PDE10A: variants seen among roughly 807,000 people sequenced by gnomAD.
PDE10A encodes cAMP and cAMP-inhibited cGMP 3',5'-cyclic phosphodiesterase 10A.
In PDE10A, 39 loss-of-function variants were observed where a neutral mutation model predicts 97.7. The observed-to-expected ratio is 0.40, with a 90% CI of 0.31 to 0.52. The LOEUF is 0.52. PDE10A is among the 20% of genes least tolerant of loss of function. The pLI, the probability that PDE10A is intolerant of heterozygous loss-of-function variation, is 0.56. For missense variants in PDE10A, 731 were observed against 1,047.8 expected (o/e 0.70, Z 4.17); for synonymous variants, 371 against 376.8 (o/e 0.98, Z 0.18).
Position 165,334,277 on chromosome 6 carries a change from C to T in PDE10A, c.3066-1150G>A, listed in dbSNP as rs1781506065. 2.0e-5 allele frequency among the ~76,000 whole-genome samples: 3 copies of T among 152,326 alleles called. No homozygotes were observed. The South Asian group carries it at 6.2e-4, about 32-fold the overall frequency. On this transcript the variant is annotated intron_variant, in intron 21 of 21. Coordinates refer to ENST00000539869, the MANE Select transcript of PDE10A (RefSeq NM_001385079.1). Reference sequence around the variant, plus strand: ...CCACAAGGAAGGCACCTCCATAGCGCCCTACAGCGCCGGGCACGCGCCTCC... The same window carrying T: ...CCACAAGGAAGGCACCTCCATAGCGTCCTACAGCGCCGGGCACGCGCCTCC...
rs117510109 is a variant in PDE10A, at chr6:165,623,004, G to A, written c.865+38943C>T. On this transcript the variant is annotated intron_variant, in intron 1 of 21. Coordinates refer to ENST00000539869, the MANE Select transcript of PDE10A (RefSeq NM_001385079.1). ...TCTTGCAGGTGACGCACCTGCTCCC[G>A]CTTCACCTTCTGCCATGAGTGTAAA... 5.9e-5 allele frequency among the ~76,000 whole-genome samples: 9 copies of A among 152,194 alleles called. No homozygotes were observed. In the East Asian group the frequency reaches 9.7e-4, roughly 16 times the overall value.
At chr6:165,722,791 C>A (rs139675132) in intron 1 of PDE10A, among the ~76,000 whole-genome samples, 1 of 151,926 alleles carries the variant, frequency 6.6e-6, no homozygotes, top group Non-Finnish European at 1.5e-5. Context: ...GCGAAAACAT[C>A]GGAGTGAACA....
intron 1 of PDE10A, among the ~76,000 whole-genome samples, chr6:165,943,168 GAAAGAAAA>G (rs1783593755): frequency 1.2e-4 from 9 of 78,212 alleles, no homozygotes; most frequent in African/African-American, 4.0e-4. Context: ...AGAGAAGAAA[GAAAGAAAA>G]AAGAAAGAAA....
At chr6:165,520,771 A>G (rs1782082314) in intron 2 of PDE10A, among the ~76,000 whole-genome samples, 1 of 152,142 alleles carries the variant, frequency 6.6e-6, no homozygotes, top group African/African-American at 2.4e-5. Flanking sequence ...ACAAGATTGG[A>G]ATATGACACA....
intron 13 of PDE10A, among the ~76,000 whole-genome samples, chr6:165,399,977 C>T (rs1786513995): frequency 6.6e-6 from 1 of 152,112 alleles, no homozygotes; most frequent in Admixed American, 6.5e-5. Context: ...GTAGTGGCAT[C>T]AAGGGGCACA....
At chr6:165,945,341 G>A (rs1029887892) in intron 1 of PDE10A, among the ~76,000 whole-genome samples, 4 of 152,208 alleles carry the variant, frequency 2.6e-5, no homozygotes, top group African/African-American at 9.6e-5. Context: ...ACACAGCTAA[G>A]CTACTCTTGA....
rs1489404149 is a variant in PDE10A at position 165,924,007 on chromosome 6, C to G, written c.-615+63522G>C. ...ACCAGCCTGGGCAACATAGCAAGAC[C>G]TCACCTCTACAACAACAATAACAAT... On this transcript the variant is annotated intron_variant, in intron 1 of 19. Coordinates refer to the PDE10A transcript ENST00000366882. 2.6e-5 allele frequency among the ~76,000 whole-genome samples: 4 copies of G among 152,168 alleles called. No individual in the cohort carries two copies. The East Asian group carries it at 7.7e-4, about 29-fold the overall frequency.
At chr6:165,928,935 C>A (rs9459535) in intron 1 of PDE10A, among the ~76,000 whole-genome samples, 39,586 of 152,052 alleles carry the variant, frequency 0.26, 5,388 homozygotes, top group Non-Finnish European at 0.29. Flanking sequence ...GGATGAGAGA[C>A]GAAGAACTAA....
chr6:165,941,161 G>T (rs1318736593), intron 1 of PDE10A, among the ~76,000 whole-genome samples: 2 of 152,004 alleles, frequency 1.3e-5, no homozygotes, highest in Non-Finnish European at 2.9e-5. Flanking sequence ...GAATAAATGG[G>T]GTATAGTAAC....
chr6:165,494,463 G>T lies in PDE10A; in HGVS notation c.995-12120C>A, dbSNP rs545393829. Among the ~76,000 whole-genome samples the T allele has an allele frequency of 6.2e-3, 915 of 146,536 alleles. 6 individuals are homozygous for T. The highest frequency in any genetic ancestry group is 8.6e-3 in the Non-Finnish European group (575 of 66,568). On this transcript the variant is annotated intron_variant, in intron 2 of 21. Transcript: ENST00000539869. The stretch of plus-strand genomic sequence containing the variant: ...AGTGGATAAAGAAAATGTGGGGGGG[G>T]GTGTGTGTGTGTGTAATACACACAA...
chr6:165,894,645 C>T (rs769412127), intron 1 of PDE10A: 15 of 418,496 alleles, frequency 3.6e-5, no homozygotes, highest in Admixed American at 1.3e-4. Context: ...GTCTTCCCAC[C>T]GAGCATGGGG....
chr6:165,939,463 G>GACTTTTAAATTTTATT (rs1439007394), intron 1 of PDE10A: 1 of 151,982 alleles, frequency 6.6e-6, no homozygotes, highest in Admixed American at 6.6e-5. Context: ...AAATTTTTTG[G>GACTTTTAAATTTTATT]ACTTTTAAAT....
At chr6:165,978,654 A>T (rs568198037) in intron 1 of PDE10A, among the ~76,000 whole-genome samples, 27 of 152,306 alleles carry the variant, frequency 1.8e-4, no homozygotes, top group African/African-American at 6.5e-4. Flanking sequence ...GTTTTTTTAG[A>T]TTAAAAAAAT....
chr6:165,986,780 G>T lies in PDE10A; in HGVS notation c.-615+749C>A, dbSNP rs866385566. ...TTATGGTTGGGCTTGGCTTGGCTTG[G>T]GGGGAGGGGGGACGGGACAGTGTTT... On this transcript the variant is annotated intron_variant, in intron 1 of 19. Coordinates refer to the PDE10A transcript ENST00000366882. 5.3e-5 allele frequency among the ~76,000 whole-genome samples: 8 copies of T among 151,818 alleles called. No individual in the cohort carries two copies. In the East Asian group the frequency reaches 1.2e-3, roughly 22 times the overall value.
intron 13 of PDE10A, among the ~76,000 whole-genome samples, chr6:165,403,293 G>A (rs916909156): frequency 1.3e-5 from 2 of 152,128 alleles, no homozygotes; most frequent in Non-Finnish European, 2.9e-5. Flanking sequence ...TTTCTGTTGT[G>A]GCAGTGGTGC....
At chr6:165,757,051 T>C (rs9718104) in intron 1 of PDE10A, among the ~76,000 whole-genome samples, 2 of 151,736 alleles carry the variant, frequency 1.3e-5, no homozygotes, top group African/African-American at 4.8e-5. Context: ...CACTGCAACA[T>C]CCACCTCCTG....
intron 3 of PDE10A, among the ~76,000 whole-genome samples, chr6:165,478,051 G>A (rs138684289): frequency 6.6e-6 from 1 of 151,986 alleles, no homozygotes; most frequent in Non-Finnish European, 1.5e-5. Context: ...TATACACCAC[G>A]AACTCCCAAA....
At chr6:165,562,988 A>T (rs1006705758) in intron 1 of PDE10A, among the ~76,000 whole-genome samples, 1 of 152,162 alleles carries the variant, frequency 6.6e-6, no homozygotes, top group African/African-American at 2.4e-5. Context: ...ATCCACAGAA[A>T]GCATCAACGG....
chr6:165,550,373 C>T (rs1051154575), intron 1 of PDE10A, among the ~76,000 whole-genome samples: 1 of 152,084 alleles, frequency 6.6e-6, no homozygotes, highest in Non-Finnish European at 1.5e-5. Context: ...AGCCCAGATA[C>T]AAACAATAAG....
Sources: allele counts gnomAD v4.1 joint callset (sites outside exome capture counted in the v4.1 genomes callset), GRCh38; gene constraint gnomAD v4.1.1; transcripts MANE v1.5; gene names NCBI Gene and HGNC (gene_info 2026-07-23, HGNC 2026-07-21).